The following THRB variants were observed in gnomAD, a reference collection of about 807,000 sequenced individuals.
THRB encodes thyroid hormone receptor beta.
A neutral mutation model predicts 47.8 loss-of-function variants in THRB; 12 were observed. The ratio of observed to expected loss-of-function variants is 0.25; its 90% CI spans 0.16 to 0.41. THRB has a LOEUF of 0.41. Among genes scored for constraint, THRB ranks in the 10% least tolerant of loss-of-function variants. THRB has a pLI of 1.00. For synonymous variants in THRB, 218 were observed against 212.2 expected, an observed-to-expected ratio of 1.03 and a Z score of -0.24; for missense variants, 348 against 589.2, an observed-to-expected ratio of 0.59 and a Z score of 4.24.
intron 4 of THRB, among the ~76,000 whole-genome samples, chr3:24,196,561 C>A (rs979015589): frequency 6.6e-6 from 1 of 152,112 alleles, no homozygotes; most frequent in Non-Finnish European, 1.5e-5. Flanking sequence ...AACTCTTCTC[C>A]TCTAAACATG....
rs1321391357 is a variant in THRB, at chr3:24,208,638, G to C, written c.23-18304C>G. 6.8e-4 allele frequency among the ~76,000 whole-genome samples: 103 copies of C among 152,106 alleles called. 1 individual carries two copies. The highest frequency in any genetic ancestry group is 1.7e-3 in the East Asian group (9 of 5,180). ...TAATAAATGGTGCTGGGAAAACTGG[G>C]TAGCCATATGTAGAAAGCTGAAACT... On this transcript the variant is annotated intron_variant, in intron 4 of 10. Transcript: ENST00000646209.
chr3:24,493,693 ATTG>A (rs1218386333), intron 1 of THRB, among the ~76,000 whole-genome samples: 2 of 152,198 alleles, frequency 1.3e-5, no homozygotes, highest in East Asian at 3.8e-4. Flanking sequence ...CACTTTATGA[ATTG>A]TTATGTTTCT....
intron 1 of THRB, among the ~76,000 whole-genome samples, chr3:24,381,393 A>C (rs892482536): frequency 2.5e-4 from 38 of 152,140 alleles, no homozygotes; most frequent in Admixed American, 6.5e-5. Flanking sequence ...TGCAATCCAG[A>C]GGGCAGGACT....
At chr3:24,252,565 C>G (rs919923158) in intron 3 of THRB, among the ~76,000 whole-genome samples, 1 of 151,232 alleles carries the variant, frequency 6.6e-6, no homozygotes, top group Non-Finnish European at 1.5e-5. Flanking sequence ...AACTATGGCA[C>G]AAATCTAGAA....
intron 3 of THRB, among the ~76,000 whole-genome samples, chr3:24,268,203 T>C (rs2052861499): frequency 6.6e-6 from 1 of 151,998 alleles, no homozygotes. Context: ...TCAGTGATTC[T>C]TGAAAAAACA....
chr3:24,388,129 A>G (rs938105631), intron 1 of THRB, among the ~76,000 whole-genome samples: 8 of 151,998 alleles, frequency 5.3e-5, no homozygotes, highest in African/African-American at 1.9e-4. Flanking sequence ...GGCTGAAGAG[A>G]GCCTCCTTAC....
chr3:24,443,525 A>G (rs904618388), intron 1 of THRB, among the ~76,000 whole-genome samples: 6 of 152,238 alleles, frequency 3.9e-5, no homozygotes, highest in Admixed American at 6.5e-5. Context: ...AAATTCAACT[A>G]AAGACCAAAT....
At chr3:24,353,162 A>C (rs1392501058) in intron 1 of THRB, among the ~76,000 whole-genome samples, 1 of 152,038 alleles carries the variant, frequency 6.6e-6, no homozygotes, top group East Asian at 1.9e-4. Flanking sequence ...AAACCAACTT[A>C]CAAAAAAAAA....
intron 3 of THRB, among the ~76,000 whole-genome samples, chr3:24,280,976 G>A (rs1252769671): frequency 1.3e-5 from 2 of 152,178 alleles, no homozygotes; most frequent in Non-Finnish European, 2.9e-5. Flanking sequence ...GTACCTGAAA[G>A]TGATGGGGAG....
intron 4 of THRB, among the ~76,000 whole-genome samples, chr3:24,225,989 A>G (rs1166372695): frequency 6.6e-6 from 1 of 152,204 alleles, no homozygotes; most frequent in East Asian, 1.9e-4. Context: ...AGTAACCTCA[A>G]AAAATAAACA....
rs1209405091 is a variant in THRB, at chr3:24,360,525, T to C, written c.-260-23154A>G. The stretch of plus-strand genomic sequence containing the variant: ...AACATTCCTGCACACTGGAATCCCA[T>C]GGAGAACTGCTTTTTACCGATACAT... On this transcript the variant is annotated intron_variant, in intron 1 of 10. Coordinates refer to ENST00000646209, the MANE Select transcript of THRB (RefSeq NM_001354712.2). Among the ~76,000 whole-genome samples, 4 of 152,132 alleles carry C rather than the reference T, an allele frequency of 2.6e-5. No homozygotes were observed. The East Asian group carries it at 7.7e-4, about 29-fold the overall frequency.
intron 8 of THRB, among the ~76,000 whole-genome samples, chr3:24,136,833 C>A (rs1252421662): frequency 2.0e-5 from 3 of 152,140 alleles, no homozygotes; most frequent in African/African-American, 7.2e-5. Context: ...CTGAGCTAGC[C>A]CAGCTGTCTG....
At chr3:24,457,056 AAG>A (rs1002184637) in intron 1 of THRB, among the ~76,000 whole-genome samples, 1 of 152,178 alleles carries the variant, frequency 6.6e-6, no homozygotes, top group African/African-American at 2.4e-5. Context: ...GGGAAGAAAA[AAG>A]AGAGGGAGGA....
rs577127867 is a variant in THRB at position 24,403,925 on chromosome 3, G to C, written c.-260-66554C>G. Reference sequence around the variant, plus strand: ...AAACAAACTTTGATTTTCAGACTTGGGTGTTTCACTTTTTCTCAAAAGTGA... The same window carrying C: ...AAACAAACTTTGATTTTCAGACTTGCGTGTTTCACTTTTTCTCAAAAGTGA... On this transcript the variant is annotated intron_variant, in intron 1 of 10. Transcript: ENST00000646209. 2.0e-5 allele frequency among the ~76,000 whole-genome samples: 3 copies of C among 151,940 alleles called. 1 individual carries two copies. In the South Asian group the frequency reaches 6.2e-4, roughly 32 times the overall value.
At chr3:24,317,473 T>C (rs1444420877) in intron 2 of THRB, among the ~76,000 whole-genome samples, 1 of 152,170 alleles carries the variant, frequency 6.6e-6, no homozygotes, top group Admixed American at 6.5e-5. Context: ...ATTAGAAATG[T>C]AAGTGTCTGC....
In THRB at chr3:24,281,150, C is replaced by T. The variant is rs369768208; in HGVS notation, c.-43+16076G>A. 8.6e-3 allele frequency among the ~76,000 whole-genome samples: 1,309 copies of T among 152,026 alleles called. 21 individuals carry two copies. Among genetic ancestry groups the T allele is most frequent in the African/African-American group, 0.029 (1,213 of 41,442 alleles). ...CACATAATTGTCAGATTCACCAAAG[C>T]TGAAATGAAGGAAAAAATGTTAAGG... On this transcript the variant is annotated intron_variant, in intron 3 of 10. Coordinates refer to ENST00000646209, the MANE Select transcript of THRB (RefSeq NM_001354712.2).
intron 5 of THRB, among the ~76,000 whole-genome samples, chr3:24,163,133 G>A (rs1471473529): frequency 1.3e-5 from 2 of 152,242 alleles, no homozygotes; most frequent in Non-Finnish European, 2.9e-5. Flanking sequence ...GGATCAATAT[G>A]GATAAACATG....
At chr3:24,483,994 A>C (rs2125902715) in intron 1 of THRB, 1 of 152,254 alleles carries the variant, frequency 6.6e-6, no homozygotes, top group East Asian at 1.9e-4. Context: ...CATACTCTTC[A>C]CTTTCTGGTT....
At chr3:24,490,846 G>A (rs1472866277) in intron 1 of THRB, among the ~76,000 whole-genome samples, 1 of 151,866 alleles carries the variant, frequency 6.6e-6, no homozygotes, top group Non-Finnish European at 1.5e-5. Flanking sequence ...CCACTGATAG[G>A]CCATAGTAGC....
Sources: allele counts gnomAD v4.1 joint callset (sites outside exome capture counted in the v4.1 genomes callset), GRCh38; gene constraint gnomAD v4.1.1; transcripts MANE v1.5; gene names NCBI Gene and HGNC (gene_info 2026-07-23, HGNC 2026-07-21).